The following MTOR variants were observed in gnomAD, a reference collection of about 807,000 sequenced individuals.
MTOR encodes mechanistic target of rapamycin kinase, also known as serine/threonine-protein kinase mTOR.
Under a neutral mutation model 319.8 loss-of-function variants are expected in MTOR, and 70 were observed. The observed-to-expected ratio is 0.22, with a 90% confidence interval of 0.18 to 0.27. The LOEUF (loss-of-function observed/expected upper bound fraction) is 0.27, where lower values mean the gene tolerates loss of function less well. MTOR is among the 10% of genes least tolerant of loss of function. MTOR has a pLI of 1.00. For synonymous variants in MTOR, 1,183 were observed against 1,211.4 expected (o/e 0.98, Z 0.49); for missense variants, 1,890 against 3,274.4 (o/e 0.58, Z 10.32).
chr1:11,134,610 G>A (rs184651086), intron 36 of MTOR, 144 bp from the exon 37 acceptor site: 2 of 630,948 alleles, frequency 3.2e-6, no homozygotes, highest in Non-Finnish European at 2.8e-6. Context: ...CCATAGGACA[G>A]AGGACCAGGG....
chr1:11,239,397 G>C (rs1403667378), intron 11 of MTOR, among the ~76,000 whole-genome samples: 1 of 152,150 alleles, frequency 6.6e-6, no homozygotes, highest in Non-Finnish European at 1.5e-5. Context: ...TCAATGTTAA[G>C]TGGAGGAACT....
At chr1:11,194,954 C>G (rs1206500612) in intron 28 of MTOR, 5 of 1,614,132 alleles carry the variant, frequency 3.1e-6, no homozygotes, top group Non-Finnish European at 3.4e-6. Context: ...CCTGGTATGG[C>G]TGGCATGGAT....
At chr1:11,131,567 C>T (rs528396375) in intron 38 of MTOR, 3 of 152,322 alleles carry the variant, frequency 2.0e-5, no homozygotes, top group Admixed American at 2.0e-4. Context: ...AGAATCTCAC[C>T]CATCTGCCTG....
intron 13 of MTOR, among the ~76,000 whole-genome samples, chr1:11,236,423 G>C (rs1036265212): frequency 5.9e-5 from 9 of 151,638 alleles, no homozygotes; most frequent in African/African-American, 1.9e-4. Context: ...ACAGACATGA[G>C]ACACTGCACT....
Position 11,115,037 on chromosome 1 carries a change from C to A in MTOR, c.7090-150G>T. 3.2e-6 allele frequency: 2 copies of A among 631,076 alleles called. No individual in the cohort carries two copies. The highest frequency in any genetic ancestry group is 2.8e-6 in the Non-Finnish European group (1 of 355,674). The allele number at this position is 631,076 out of a possible 1,614,324, so 39.1% of individuals were successfully genotyped here. On this transcript the variant is annotated intron_variant, in intron 51 of 57. Coordinates refer to ENST00000361445, the MANE Select transcript of MTOR (RefSeq NM_004958.4). The surrounding 1 kb of genome is among the most constrained non-coding windows in gnomAD (Gnocchi z 4.5). Reference sequence around the variant, plus strand: ...GCTTGGGTTTAGTGAGAGGACTTGTCACAGGGATTTGAAAGACAACTTAAA... The same window carrying A: ...GCTTGGGTTTAGTGAGAGGACTTGTAACAGGGATTTGAAAGACAACTTAAA...
chr1:11,203,786 A>T (rs1323472440), intron 26 of MTOR, among the ~76,000 whole-genome samples: 2 of 152,238 alleles, frequency 1.3e-5, no homozygotes, highest in Non-Finnish European at 2.9e-5. Context: ...GTGGGTGCCC[A>T]TGTCTTCTTC....
intron 25 of MTOR, among the ~76,000 whole-genome samples, chr1:11,206,359 G>A (rs1048621199): frequency 6.6e-6 from 1 of 152,216 alleles, no homozygotes; most frequent in Admixed American, 6.5e-5. Flanking sequence ...GTGGTTAAGA[G>A]AGTGGGCTCT....
chr1:11,240,330 G>T lies in MTOR; in HGVS notation c.1759C>A (p.Arg587=), dbSNP rs750031278. The change falls in exon 11 of 58, where the codon CGA becomes AGA. Residue 587 remains arginine (R), a synonymous_variant. Coordinates refer to ENST00000361445, the MANE Select transcript of MTOR (RefSeq NM_004958.4). The part of the protein sequence containing the change: ...SDVGSITLAL[R]TLGSFEFEGH... ...TCAAATTCAAAGCTGCCAAGCGTTC[G>T]GAGGGCAAGAGTGATGCTGCCCACA... 1 of 1,577,104 alleles carries T rather than the reference G, an allele frequency of 6.3e-7. No individual in the cohort carries two copies. Among genetic ancestry groups the T allele is most frequent in the Non-Finnish European group, 8.6e-7 (1 of 1,160,252 alleles).
chr1:11,213,261 T>C (rs918768190), intron 21 of MTOR, 138 bp downstream of exon 21: 3 of 815,816 alleles, frequency 3.7e-6, no homozygotes, highest in Admixed American at 2.9e-5. Flanking sequence ...ACACATTGGG[T>C]ATTAGTATTC....
chr1:11,143,031 G>T (rs941477414), intron 34 of MTOR, among the ~76,000 whole-genome samples: 1 of 152,202 alleles, frequency 6.6e-6, no homozygotes, highest in Non-Finnish European at 1.5e-5. Context: ...CACTATAAAT[G>T]TAATGCTTTA....
intron 16 of MTOR, among the ~76,000 whole-genome samples, chr1:11,231,931 G>C (rs944763446): frequency 1.3e-5 from 2 of 151,928 alleles, no homozygotes; most frequent in African/African-American, 2.4e-5. Flanking sequence ...TCATGCCCAG[G>C]TTGCTCTCGC....
intron 6 of MTOR, among the ~76,000 whole-genome samples, chr1:11,249,997 G>A (rs1456168610): frequency 2.0e-5 from 3 of 150,104 alleles, no homozygotes; most frequent in South Asian, 2.1e-4. Flanking sequence ...AGGGGCGGCC[G>A]GGCAGAGGCG....
chr1:11,259,489 C>T, intron 1 of MTOR, 66 bp from the exon 2 acceptor site: 1 of 1,486,204 alleles, frequency 6.7e-7, no homozygotes, highest in Non-Finnish European at 9.0e-7. Context: ...ACTTATGGCC[C>T]TGGTCACCCA....
Position 11,228,827 on chromosome 1 carries a change from C to G in MTOR, c.2871G>C (p.Arg957=), listed in dbSNP as rs1467734355. 6.2e-7 allele frequency: 1 copy of G among 1,614,056 alleles called. No homozygotes were observed. The part of the protein sequence containing the change: ...YPAVSMVALM[R]IFRDQSLSHH... The stretch of plus-strand genomic sequence containing the variant: ...GAGAGAGTGACTGGTCTCGGAAGAT[C>G]CGCATCAGGGCCACCATGGACACAG... Residue 957 remains arginine, a synonymous_variant, in exon 19 of 58, where the codon CGG becomes CGC. Coordinates refer to ENST00000361445, the MANE Select transcript of MTOR (RefSeq NM_004958.4).
At chr1:11,223,724 C>T (rs1222020980) in intron 19 of MTOR, among the ~76,000 whole-genome samples, 2 of 151,960 alleles carry the variant, frequency 1.3e-5, no homozygotes, top group Non-Finnish European at 2.9e-5. Flanking sequence ...AAAAAGAATG[C>T]ACTAAGTAAG....
In MTOR at chr1:11,232,484, A is replaced by G. The variant is rs761777219; in HGVS notation, c.2466T>C (p.Ile822=). ...EMRKWVDELF[I]IIMDMLQDSS... ...AATCCTGGAGCATGTCCATGATGAT[A>G]ATAAAAAGTTCATCAACCCATTTCC... The change falls in exon 16 of 58, where the codon ATT becomes ATC. Residue 822 remains isoleucine, a synonymous_variant. Transcript: ENST00000361445. 1.2e-6 allele frequency: 2 copies of G among 1,614,058 alleles called. No individual in the cohort carries two copies. Among genetic ancestry groups the G allele is most frequent in the South Asian group, 2.2e-5 (2 of 91,084 alleles).
Position 11,253,957 on chromosome 1 carries a change from G to A in MTOR, c.722C>T (p.Ala241Val), listed in dbSNP as rs1299893160. The change falls in exon 6 of 58, where the codon GCA becomes GTA. Residue 241 changes from alanine (A) to valine (V), a missense_variant. Ala to Val is a moderately conservative substitution (Grantham distance 64). Around this residue, in one of 15 missense-constraint regions of MTOR, gnomAD observed 418 missense variants for 543.1 expected, o/e 0.77. Coordinates refer to ENST00000361445, the MANE Select transcript of MTOR (RefSeq NM_004958.4). ...PQWYRHTFEE[A>V]EKGFDETLAK... ...CAAGGTCTCATCAAATCCCTTCTCTGCTTCTTCAAATGTGTGCTATGTAGA... is the reference window on the plus strand; with the variant it reads ...CAAGGTCTCATCAAATCCCTTCTCTACTTCTTCAAATGTGTGCTATGTAGA... 3.7e-6 allele frequency: 6 copies of A among 1,613,910 alleles called. No homozygotes were observed. Among genetic ancestry groups the A allele is most frequent in the Non-Finnish European group, 5.1e-6 (6 of 1,180,032 alleles).
chr1:11,233,214 T>C (rs753103726), intron 15 of MTOR, 184 bp downstream of exon 15: 10 of 816,422 alleles, frequency 1.2e-5, no homozygotes, highest in South Asian at 1.6e-5. Context: ...TCTGGAGAGT[T>C]GGACATGTTT....
chr1:11,123,883 G>A (rs1642675089), intron 47 of MTOR, among the ~76,000 whole-genome samples: 1 of 152,010 alleles, frequency 6.6e-6, no homozygotes, highest in African/African-American at 2.4e-5. Context: ...CGCCTCCCAG[G>A]TTCAAGCAAT....
Sources: gnomAD v4.1 joint callset for allele counts (sites outside exome capture counted in the v4.1 genomes callset) on GRCh38, gnomAD v4.1.1 for gene constraint, gnomAD v4.1.1 regional missense constraint, Gnocchi (gnomAD v3.1) non-coding constraint, MANE v1.5 for transcripts, NCBI Gene and HGNC (gene_info 2026-07-23, HGNC 2026-07-21) for gene names.